The following MRC1 variants were observed in gnomAD, a reference collection of about 807,000 sequenced individuals.
The protein encoded by MRC1 is macrophage mannose receptor 1.
MRC1 carries 62 observed loss-of-function variants against 102.9 expected under a neutral mutation model. The observed-to-expected ratio is 0.60, with a 90% CI of 0.49 to 0.74. MRC1 has a LOEUF of 0.74. Ranked by LOEUF, MRC1 falls within the 30% of genes least tolerant of loss-of-function variation. The probability of loss-of-function intolerance (pLI) is 0.00; values close to 1 mark genes in which losing one functional copy is unlikely to be tolerated. For synonymous variants in MRC1, 457 were observed against 298.4 expected, an observed-to-expected ratio of 1.53 and a Z score of -5.48; for missense variants, 1,237 against 862.8, an observed-to-expected ratio of 1.43 and a Z score of -5.43.
intron 7 of MRC1, among the ~76,000 whole-genome samples, chr10:17,850,256 G>GTTTTTT (rs71507247): frequency 0.038 from 4,937 of 131,428 alleles, 388 homozygotes; most frequent in African/African-American, 0.11. Context: ...AAATATAGGA[G>GTTTTTT]TTTTTTTTTT....
intron 21 of MRC1, among the ~76,000 whole-genome samples, chr10:17,883,788 G>T (rs1833551691): frequency 6.6e-6 from 1 of 152,214 alleles, no homozygotes; most frequent in East Asian, 1.9e-4. Flanking sequence ...AGGTGGTGGT[G>T]TTGGCCCCAG....
intron 22 of MRC1, among the ~76,000 whole-genome samples, chr10:17,885,939 A>G (rs2130698536): frequency 6.6e-6 from 1 of 152,162 alleles, no homozygotes; most frequent in South Asian, 2.1e-4. Flanking sequence ...ACTTTATTTT[A>G]CTACTTTTAT....
chr10:17,888,775 A>G (rs909587566), intron 22 of MRC1, among the ~76,000 whole-genome samples: 7 of 152,180 alleles, frequency 4.6e-5, no homozygotes, highest in African/African-American at 1.4e-4. Flanking sequence ...TGTCAATGAG[A>G]TCTGGTTGAT....
At position 17,847,593 on chromosome 10, in the gene MRC1, G is replaced by A. The variant is rs1323069843; in HGVS notation, c.1064-1986G>A. ...GCAAGAATTCAACCTCAAACCCTGT[G>A]AATTATTGTAACACTAACCCGTTTG... On this transcript the variant is annotated intron_variant, in intron 6 of 29. Coordinates refer to ENST00000569591, the MANE Select transcript of MRC1 (RefSeq NM_002438.4). Among the ~76,000 whole-genome samples, 3 of 152,314 alleles carry A rather than the reference G, an allele frequency of 2.0e-5. No individual in the cohort carries two copies. The East Asian group carries it at 5.8e-4, about 29-fold the overall frequency.
chr10:17,909,957 T>C (rs1833947032), intron 29 of MRC1, among the ~76,000 whole-genome samples: 1 of 152,222 alleles, frequency 6.6e-6, no homozygotes, highest in Non-Finnish European at 1.5e-5. Flanking sequence ...ATAAGGTATA[T>C]ATATTTTAAT....
intron 7 of MRC1, 130 bp downstream of exon 7, chr10:17,849,894 A>T: frequency 1.7e-6 from 1 of 601,036 alleles, no homozygotes; most frequent in Non-Finnish European, 3.0e-6. Flanking sequence ...CGAACAACGT[A>T]TGAATTTAAT....
At chr10:17,850,957 C>A (rs1053448292) in intron 7 of MRC1, among the ~76,000 whole-genome samples, 10 of 152,164 alleles carry the variant, frequency 6.6e-5, no homozygotes, top group African/African-American at 2.4e-4. Flanking sequence ...TGAACAATTT[C>A]TTGGTTATTC....
At chr10:17,871,304 A>G (rs1323595920) in intron 14 of MRC1, among the ~76,000 whole-genome samples, 1 of 152,136 alleles carries the variant, frequency 6.6e-6, no homozygotes, top group Non-Finnish European at 1.5e-5. Flanking sequence ...TTCTGCCTCC[A>G]CCAGCAACTT....
intron 12 of MRC1, among the ~76,000 whole-genome samples, 162 bp from the exon 13 acceptor site, chr10:17,870,084 T>A (rs34777868): frequency 0.024 from 3,688 of 152,310 alleles, 150 homozygotes; most frequent in East Asian, 0.21. Flanking sequence ...ACCCAACTAT[T>A]CACTCATAAA....
At chr10:17,817,983 A>G (rs1037984475) in intron 1 of MRC1, among the ~76,000 whole-genome samples, 9 of 152,236 alleles carry the variant, frequency 5.9e-5, no homozygotes, top group Admixed American at 1.3e-4. Flanking sequence ...ATGTATCACC[A>G]TAGAGCAATA....
intron 26 of MRC1, among the ~76,000 whole-genome samples, chr10:17,902,924 T>C (rs1212878976): frequency 6.6e-6 from 1 of 152,198 alleles, no homozygotes; most frequent in Non-Finnish European, 1.5e-5. Context: ...TAGGTACATA[T>C]TCGTCTACAC....
At chr10:17,893,893 TCTC>T (rs1395330814) in intron 22 of MRC1, among the ~76,000 whole-genome samples, 1 of 152,232 alleles carries the variant, frequency 6.6e-6, no homozygotes, top group Non-Finnish European at 1.5e-5. Flanking sequence ...GATACTGTGT[TCTC>T]CTAGTTTCTT....
intron 21 of MRC1, among the ~76,000 whole-genome samples, chr10:17,883,367 G>T (rs1833544900): frequency 6.6e-6 from 1 of 151,878 alleles, no homozygotes; most frequent in African/African-American, 2.4e-5. Flanking sequence ...GATCTCAAGT[G>T]ATCCTCCCAC....
Position 17,841,957 on chromosome 10 carries a change from G to T in MRC1, c.916+1151G>T, listed in dbSNP as rs1377026581. On this transcript the variant is annotated intron_variant, in intron 5 of 29. Transcript: ENST00000569591. The stretch of plus-strand genomic sequence containing the variant: ...TTAGAAAACTAAACTCTCCATTTTT[G>T]TTTGTTTGTTTGTTTTTGTTTTTGA... Among the ~76,000 whole-genome samples, 5 of 152,046 alleles carry T rather than the reference G, an allele frequency of 3.3e-5. No homozygotes were observed. The South Asian group carries it at 6.2e-4, about 19-fold the overall frequency.
chr10:17,811,281 G>A (rs1384848481), intron 1 of MRC1, among the ~76,000 whole-genome samples: 2 of 152,118 alleles, frequency 1.3e-5, no homozygotes, highest in Non-Finnish European at 1.5e-5. Flanking sequence ...GTTACATGAG[G>A]TGACTGGCTA....
chr10:17,832,464 A>T (rs1169969854), intron 3 of MRC1, among the ~76,000 whole-genome samples: 2 of 150,184 alleles, frequency 1.3e-5, no homozygotes, highest in African/African-American at 5.0e-5. Flanking sequence ...CTGAGGCAGG[A>T]GAATGGCGTG....
chr10:17,894,031 A>C (rs922438174), intron 22 of MRC1, among the ~76,000 whole-genome samples, 179 bp from the exon 23 acceptor site: 3 of 152,144 alleles, frequency 2.0e-5, no homozygotes, highest in African/African-American at 7.2e-5. Flanking sequence ...AATGTGGAGG[A>C]TATGCATAGT....
intron 24 of MRC1, among the ~76,000 whole-genome samples, chr10:17,899,444 A>T (rs972022125): frequency 1.3e-5 from 2 of 152,306 alleles, no homozygotes; most frequent in East Asian, 1.9e-4. Context: ...AATATTTATG[A>T]CTACAACAGT....
chr10:17,838,157 C>T (rs1022193676), intron 4 of MRC1, among the ~76,000 whole-genome samples: 143 of 152,220 alleles, frequency 9.4e-4, no homozygotes, highest in Middle Eastern at 3.4e-3. Context: ...CCATTTCACC[C>T]TGCCTGTGTC....
Sources: gnomAD v4.1 joint callset for allele counts (sites outside exome capture counted in the v4.1 genomes callset) on GRCh38, gnomAD v4.1.1 for gene constraint, MANE v1.5 for transcripts, NCBI Gene and HGNC (gene_info 2026-07-23, HGNC 2026-07-21) for gene names.